The following THBS4 variants were observed in gnomAD, a reference collection of about 807,000 sequenced individuals.
The protein encoded by THBS4 is thrombospondin 4, also known as thrombospondin-4.
A neutral mutation model predicts 115.7 loss-of-function variants in THBS4; 90 were observed. That is an observed-to-expected ratio of 0.78 (90% CI 0.66 to 0.93). THBS4 has a LOEUF of 0.93. Among genes scored for constraint, THBS4 ranks in the 40% least tolerant of loss-of-function variants. The pLI is 0.00. For synonymous variants in THBS4, 460 were observed against 479.3 expected (o/e 0.96, Z 0.53); for missense variants, 1,087 against 1,232.7 (o/e 0.88, Z 1.77).
At chr5:80,021,929 G>T (rs532257613) in intron 2 of THBS4, among the ~76,000 whole-genome samples, 85 of 152,188 alleles carry the variant, frequency 5.6e-4, no homozygotes, top group African/African-American at 2.0e-3. Flanking sequence ...CCCTAGAGGT[G>T]TTCTCCTCTA....
chr5:80,013,845 T>A (rs2434318), intron 2 of THBS4, among the ~76,000 whole-genome samples: 36,050 of 152,174 alleles, frequency 0.24, 4,641 homozygotes, highest in African/African-American at 0.34. Flanking sequence ...GCATAGGGCC[T>A]AAAACGTAGT....
At chr5:80,054,997 T>C (rs539698650) in intron 2 of THBS4, among the ~76,000 whole-genome samples, 52 of 152,242 alleles carry the variant, frequency 3.4e-4, no homozygotes, top group Admixed American at 8.5e-4. Flanking sequence ...TCCATAGTTA[T>C]TCCAATTGCA....
intron 8 of THBS4, among the ~76,000 whole-genome samples, chr5:80,063,776 AAGGC>A (rs1833718729): frequency 6.6e-6 from 1 of 152,258 alleles, no homozygotes; most frequent in South Asian, 2.1e-4. Flanking sequence ...TTCCAGTAAC[AAGGC>A]AGACAGAACT....
chr5:80,005,530 G>A (rs1033967237), intron 2 of THBS4, among the ~76,000 whole-genome samples: 13 of 151,862 alleles, frequency 8.6e-5, no homozygotes, highest in Non-Finnish European at 1.5e-4. Flanking sequence ...GAGTGTGCAC[G>A]GAGGAATGAG....
intron 2 of THBS4, among the ~76,000 whole-genome samples, chr5:80,020,874 A>G (rs552691002): frequency 1.3e-5 from 2 of 152,236 alleles, no homozygotes; most frequent in African/African-American, 2.4e-5. Flanking sequence ...AAATGTAAAC[A>G]TTGCATGCAT....
At chr5:80,065,260 G>A in intron 8 of THBS4, 149 bp from the exon 9 acceptor site, 1 of 612,572 alleles carries the variant, frequency 1.6e-6, no homozygotes. Flanking sequence ...AAATGCAAGG[G>A]AGATGGCACA....
At position 80,009,057 on chromosome 5, in the gene THBS4, G is replaced by A. The variant is rs1385000589; in HGVS notation, n.177+10630G>A. ...ACGTGGGATTATTTTGCAGTCTGAGGCTCTATGACAGAAGCTTCTGTTTGC... is the reference window on the plus strand; with the variant it reads ...ACGTGGGATTATTTTGCAGTCTGAGACTCTATGACAGAAGCTTCTGTTTGC... On this transcript the variant is annotated intron_variant and non_coding_transcript_variant, in intron 2 of 3. Coordinates refer to the THBS4 transcript ENST00000510218. 4.6e-5 allele frequency among the ~76,000 whole-genome samples: 7 copies of A among 152,280 alleles called. No homozygotes were observed. In the South Asian group the frequency reaches 1.2e-3, roughly 27 times the overall value.
At chr5:80,073,375 G>C (rs371222202) in intron 15 of THBS4, 48 bp downstream of exon 15, 1 of 1,568,040 alleles carries the variant, frequency 6.4e-7, no homozygotes, top group African/African-American at 1.4e-5. Flanking sequence ...AACATCCGGA[G>C]AGGGTTTTTG....
chr5:80,000,382 A>G (rs1004305666), intron 2 of THBS4, among the ~76,000 whole-genome samples: 7 of 152,108 alleles, frequency 4.6e-5, no homozygotes, highest in Non-Finnish European at 8.8e-5. Flanking sequence ...ACCCCTCCTT[A>G]TGGTAGTTTC....
intron 2 of THBS4, among the ~76,000 whole-genome samples, chr5:80,027,716 CA>C (rs1832505378): frequency 6.6e-6 from 1 of 151,558 alleles, no homozygotes; most frequent in Non-Finnish European, 1.5e-5. Context: ...GGCAATATGG[CA>C]AAATCCCATT....
intron 2 of THBS4, among the ~76,000 whole-genome samples, chr5:80,024,040 C>G (rs1004408618): frequency 1.3e-5 from 2 of 152,104 alleles, no homozygotes; most frequent in African/African-American, 4.8e-5. Context: ...GTGGGACAAA[C>G]CATCTCCAAA....
intron 2 of THBS4, 127 bp from the exon 3 acceptor site, chr5:80,055,658 C>T (rs1833398482): frequency 5.3e-6 from 7 of 1,317,958 alleles, no homozygotes; most frequent in Admixed American, 2.2e-5. Flanking sequence ...ACTCACATTC[C>T]GTCCAGCAAC....
At chr5:80,062,046 A>C (rs1399912220) in intron 8 of THBS4, among the ~76,000 whole-genome samples, 1 of 152,244 alleles carries the variant, frequency 6.6e-6, no homozygotes, top group Admixed American at 6.5e-5. Context: ...AGAGGGGATA[A>C]TAGAGTATCA....
intron 2 of THBS4, among the ~76,000 whole-genome samples, chr5:80,030,066 A>G (rs1832556294): frequency 6.6e-6 from 1 of 152,210 alleles, no homozygotes; most frequent in South Asian, 2.1e-4. Context: ...AGTTTTTGGA[A>G]TAGCTTTTTT....
intron 1 of THBS4, among the ~76,000 whole-genome samples, chr5:79,992,556 A>G (rs568152295): frequency 6.6e-6 from 1 of 152,394 alleles, no homozygotes; most frequent in African/African-American, 2.4e-5. Flanking sequence ...ATGAGAATTC[A>G]TTAATAATAA....
At chr5:80,058,823 T>C (rs544504434) in intron 5 of THBS4, 33 bp downstream of exon 5, 395 of 1,598,404 alleles carry the variant, frequency 2.5e-4, no homozygotes, top group Admixed American at 1.1e-3. Context: ...AGAAAAGCCC[T>C]CGTCTTCTTA....
At chr5:79,991,368 C>T in exon 1 of THBS4, 2 of 819,164 alleles carry the variant, frequency 2.4e-6, no homozygotes, top group Non-Finnish European at 3.7e-6. Flanking sequence ...GAAACAACGA[C>T]TGGAGGGATT....
chr5:80,000,395 C>T (rs1250166033), intron 2 of THBS4, among the ~76,000 whole-genome samples: 1 of 152,198 alleles, frequency 6.6e-6, no homozygotes, highest in African/African-American at 2.4e-5. Context: ...GTAGTTTCCT[C>T]AGGTGTCTGT....
intron 1 of THBS4, among the ~76,000 whole-genome samples, chr5:79,993,127 T>G (rs2151146319): frequency 6.6e-6 from 1 of 152,366 alleles, no homozygotes; most frequent in East Asian, 1.9e-4. Flanking sequence ...CAGTTTGGCC[T>G]TCTTCCGTAC....
Sources: gnomAD v4.1 joint callset for allele counts (sites outside exome capture counted in the v4.1 genomes callset) on GRCh38, gnomAD v4.1.1 for gene constraint, MANE v1.5 for transcripts, NCBI Gene and HGNC (gene_info 2026-07-23, HGNC 2026-07-21) for gene names.